The following COL28A1 variants were observed in gnomAD, a reference collection of about 807,000 sequenced individuals.
The protein encoded by COL28A1 is collagen alpha-1(XXVIII) chain.
Under a neutral mutation model 150.2 loss-of-function variants are expected in COL28A1, and 161 were observed. That is an observed-to-expected ratio of 1.07 (90% CI 0.94 to 1.22). COL28A1 has a LOEUF of 1.22. Among genes scored for constraint, COL28A1 ranks in the 50% most tolerant of loss-of-function variants. The probability of loss-of-function intolerance (pLI) is 0.00; values close to 1 mark genes in which losing one functional copy is unlikely to be tolerated. For missense variants in COL28A1, 1,617 were observed against 1,388.3 expected (o/e 1.16, Z -2.62); for synonymous variants, 552 against 469.7 (o/e 1.18, Z -2.26).
intron 2 of COL28A1, among the ~76,000 whole-genome samples, chr7:7,532,365 G>A (rs1055207261): frequency 1.3e-5 from 2 of 151,938 alleles, no homozygotes; most frequent in African/African-American, 4.8e-5. Context: ...AGTAAGTGGA[G>A]AAGAAACCTA....
rs138699684 is a variant in COL28A1 at position 7,494,984 on chromosome 7, C to T, written c.1027-4338G>A. Among the ~76,000 whole-genome samples, 219 of 152,146 alleles carry T rather than the reference C, an allele frequency of 1.4e-3. 1 individual carries two copies. Among genetic ancestry groups the T allele is most frequent in the African/African-American group, 4.7e-3 (196 of 41,490 alleles). ...AAAATGGTGTTAAATATTCTAGAGA[C>T]GGTCAGCAGCCCGTGAGCCCAACAG... On this transcript the variant is annotated intron_variant, in intron 11 of 34. Coordinates refer to ENST00000399429, the MANE Select transcript of COL28A1 (RefSeq NM_001037763.3).
intron 8 of COL28A1, among the ~76,000 whole-genome samples, chr7:7,513,434 C>T (rs934281747): frequency 6.6e-6 from 1 of 152,194 alleles, no homozygotes; most frequent in African/African-American, 2.4e-5. Flanking sequence ...TGGGCTCTTG[C>T]AGGCATCAGG....
intron 2 of COL28A1, among the ~76,000 whole-genome samples, chr7:7,532,428 T>C (rs1204521749): frequency 2.0e-5 from 3 of 152,112 alleles, no homozygotes; most frequent in Non-Finnish European, 4.4e-5. Context: ...GTGGTTAATT[T>C]GCCTATGGCC....
At chr7:7,540,934 T>C in the COL28A1 span, among the ~76,000 whole-genome samples, 4 of 100,786 alleles carry the variant, frequency 4.0e-5, no homozygotes, top group East Asian at 3.0e-4. Flanking sequence ...ACATAGCCAG[T>C]AATATAGGTA....
intron 32 of COL28A1, 132 bp downstream of exon 32, chr7:7,372,866 G>A (rs1046475081): frequency 2.4e-5 from 16 of 676,802 alleles, no homozygotes; most frequent in East Asian, 7.9e-5. Context: ...TGGAGTTTAC[G>A]TGTTACCATT....
At chr7:7,531,990 G>A in intron 2 of COL28A1, 86 bp from the exon 3 acceptor site, 1 of 769,334 alleles carries the variant, frequency 1.3e-6, no homozygotes, top group African/African-American at 1.8e-5. Flanking sequence ...GTGGTGTGTT[G>A]TATATTGTTT....
chr7:7,483,492 G>A (rs1026834390), intron 13 of COL28A1, among the ~76,000 whole-genome samples: 3 of 152,090 alleles, frequency 2.0e-5, no homozygotes, highest in Non-Finnish European at 4.4e-5. Context: ...ATGAGTTTAT[G>A]ATTTCAATTG....
chr7:7,432,166 A>G (rs1176180508), intron 25 of COL28A1, among the ~76,000 whole-genome samples: 1 of 152,156 alleles, frequency 6.6e-6, no homozygotes, highest in Non-Finnish European at 1.5e-5. Context: ...GCTGGACGAG[A>G]GTATCTAGGG....
intron 16 of COL28A1, among the ~76,000 whole-genome samples, chr7:7,455,057 C>A (rs1223248372): frequency 1.3e-5 from 2 of 152,058 alleles, no homozygotes; most frequent in Non-Finnish European, 2.9e-5. Flanking sequence ...TAGAAATAAA[C>A]CCAAAGTAAA....
chr7:7,519,971 T>G (rs1347056821), intron 6 of COL28A1, 91 bp downstream of exon 6: 1 of 737,274 alleles, frequency 1.4e-6, no homozygotes, highest in African/African-American at 1.8e-5. Context: ...TGCCATATAC[T>G]ACAATGCTTT....
chr7:7,386,976 T>G (rs1477948331), intron 27 of COL28A1, among the ~76,000 whole-genome samples: 1 of 152,178 alleles, frequency 6.6e-6, no homozygotes, highest in East Asian at 1.9e-4. Context: ...TGCCGTGTCC[T>G]CACATGGTGG....
chr7:7,360,563 A>C, intron 33 of COL28A1, 35 bp from the exon 34 acceptor site: 1 of 1,569,568 alleles, frequency 6.4e-7, no homozygotes, highest in Non-Finnish European at 8.6e-7. Flanking sequence ...TGTTTCTGAT[A>C]ATATCAAGTA....
At chr7:7,533,372 A>C (rs1782475962) in intron 1 of COL28A1, among the ~76,000 whole-genome samples, 1 of 151,988 alleles carries the variant, frequency 6.6e-6, no homozygotes, top group Admixed American at 6.6e-5. Context: ...GTAGACAACC[A>C]CCACCCTTTC....
chr7:7,518,526 T>C (rs1781540100), intron 6 of COL28A1, among the ~76,000 whole-genome samples: 1 of 152,212 alleles, frequency 6.6e-6, no homozygotes, highest in African/African-American at 2.4e-5. Flanking sequence ...AGGGCTGTTT[T>C]AGAGTTCATT....
intron 27 of COL28A1, among the ~76,000 whole-genome samples, chr7:7,416,071 G>A (rs1784061680): frequency 6.6e-6 from 1 of 152,212 alleles, no homozygotes; most frequent in African/African-American, 2.4e-5. Context: ...CCACAGTGCT[G>A]AGATTACAGG....
chr7:7,404,208 G>C (rs1422561245), intron 27 of COL28A1, among the ~76,000 whole-genome samples: 1 of 152,056 alleles, frequency 6.6e-6, no homozygotes, highest in African/African-American at 2.4e-5. Context: ...AAACAAGGTG[G>C]GGGAGGGATT....
intron 21 of COL28A1, among the ~76,000 whole-genome samples, chr7:7,437,997 G>A (rs1785469004): frequency 6.6e-6 from 1 of 152,088 alleles, no homozygotes; most frequent in Non-Finnish European, 1.5e-5. Context: ...CCTTTGGGAG[G>A]CCGAGGCTGG....
At chr7:7,436,871 C>A (rs1785383265) in intron 22 of COL28A1, among the ~76,000 whole-genome samples, 1 of 152,180 alleles carries the variant, frequency 6.6e-6, no homozygotes, top group Non-Finnish European at 1.5e-5. Context: ...AAAACCCCGT[C>A]TCTACTAAAA....
At chr7:7,440,240 T>C (rs1233962656) in intron 21 of COL28A1, among the ~76,000 whole-genome samples, 1 of 152,240 alleles carries the variant, frequency 6.6e-6, no homozygotes, top group Non-Finnish European at 1.5e-5. Context: ...AATAATTCGA[T>C]GTATTCAACA....
Sources: gnomAD v4.1 joint callset for allele counts (sites outside exome capture counted in the v4.1 genomes callset) on GRCh38, gnomAD v4.1.1 for gene constraint, MANE v1.5 for transcripts, NCBI Gene and HGNC (gene_info 2026-07-23, HGNC 2026-07-21) for gene names.